The following BUB1B variants were observed in gnomAD, a reference collection of about 807,000 sequenced individuals.
BUB1B encodes BUB1 mitotic checkpoint serine/threonine kinase B.
A neutral mutation model predicts 137.7 loss-of-function variants in BUB1B; 86 were observed. The observed-to-expected ratio is 0.62, with a 90% CI of 0.52 to 0.75. BUB1B has a LOEUF of 0.75. Among genes scored for constraint, BUB1B ranks in the 30% least tolerant of loss-of-function variants. The pLI is 0.00. For synonymous variants in BUB1B, 420 were observed against 417.9 expected (o/e 1.00, Z -0.06); for missense variants, 1,130 against 1,236.9 (o/e 0.91, Z 1.30).
Position 40,173,647 on chromosome 15 carries a change from A to G in BUB1B, c.385-2830A>G, listed in dbSNP as rs565655940. Among the ~76,000 whole-genome samples the G allele has an allele frequency of 2.6e-5, 4 of 152,352 alleles. No individual in the cohort carries two copies. In the East Asian group the frequency reaches 7.7e-4, roughly 29 times the overall value. On this transcript the variant is annotated intron_variant, in intron 4 of 22. Coordinates refer to ENST00000287598, the MANE Select transcript of BUB1B (RefSeq NM_001211.6). ...TTCTGTTTTTATTGTACTTTATATCAGTCCATAATGGAACACACACATACA... is the reference window on the plus strand; with the variant it reads ...TTCTGTTTTTATTGTACTTTATATCGGTCCATAATGGAACACACACATACA...
chr15:40,205,341 A>G (rs527860206), intron 14 of BUB1B, among the ~76,000 whole-genome samples: 1 of 152,286 alleles, frequency 6.6e-6, no homozygotes, highest in Non-Finnish European at 1.5e-5. Context: ...TCAAATTGGT[A>G]ATGATCTAGA....
Position 40,196,550 on chromosome 15 carries a change from C to T in BUB1B, c.1064C>T (p.Pro355Leu). 1 of 1,612,900 alleles carries T rather than the reference C, an allele frequency of 6.2e-7. No individual in the cohort carries two copies. Among genetic ancestry groups the T allele is most frequent in the South Asian group, 1.1e-5 (1 of 90,960 alleles). ...EETARQPVMT[P>L]CKIEPSINHI... Reference sequence around the variant, plus strand: ...TAGTAATTTTGCTTCTTTAGGACACCATGTAAAATTGAACCTAGTATAAAC... The same window carrying T: ...TAGTAATTTTGCTTCTTTAGGACACTATGTAAAATTGAACCTAGTATAAAC... Residue 355 changes from proline to leucine, a missense_variant, in exon 9 of 23, where the codon CCA (proline) becomes CTA (leucine). Transcript: ENST00000287598.
rs747501110 is a variant in BUB1B at position 40,170,636 on chromosome 15, A to C, written c.339A>C (p.Lys113Asn). Residue 113 changes from lysine (K) to asparagine (N), a missense_variant, in exon 4 of 23, where the codon AAA (lysine) becomes AAC (asparagine). Lys to Asn is a moderately conservative substitution (Grantham distance 94). Coordinates refer to ENST00000287598, the MANE Select transcript of BUB1B (RefSeq NM_001211.6). The part of the protein sequence containing the change: ...ERAVEALQGE[K>N]RYYSDPRFLN... ...CTGTAGAAGCACTACAAGGAGAAAA[A>C]CGATATTATAGTGATCCTCGATTTC... 1 of 1,613,724 alleles carries C rather than the reference A, an allele frequency of 6.2e-7. No homozygotes were observed.
Position 40,183,888 on chromosome 15 carries a change from G to C in BUB1B, c.751+5G>C, listed in dbSNP as rs777441036. ...GTGTAGGAGGTGCTCTCAAGGGTAA[G>C]TTTGTTAAACGTTATTTCGGAAAAC... is the stretch of plus-strand genomic sequence containing the variant. On this transcript the variant is annotated splice_donor_5th_base_variant and intron_variant, in intron 6 of 22. Coordinates refer to ENST00000287598, the MANE Select transcript of BUB1B (RefSeq NM_001211.6). 1 of 1,613,878 alleles carries C rather than the reference G, an allele frequency of 6.2e-7. No homozygotes were observed. Among genetic ancestry groups the C allele is most frequent in the Non-Finnish European group, 8.5e-7 (1 of 1,179,848 alleles).
At chr15:40,203,601 T>C (rs757045642) in intron 14 of BUB1B, among the ~76,000 whole-genome samples, 1 of 152,238 alleles carries the variant, frequency 6.6e-6, no homozygotes, top group Non-Finnish European at 1.5e-5. Flanking sequence ...TTTTGTACTT[T>C]TAATTTTTTA....
intron 8 of BUB1B, among the ~76,000 whole-genome samples, chr15:40,187,274 T>C (rs2037378909): frequency 6.6e-6 from 1 of 152,056 alleles, no homozygotes; most frequent in East Asian, 1.9e-4. Flanking sequence ...TACAGGCGCC[T>C]GCCACCACGC....
chr15:40,204,384 T>C (rs1282035457), intron 14 of BUB1B, among the ~76,000 whole-genome samples: 1 of 151,742 alleles, frequency 6.6e-6, no homozygotes, highest in African/African-American at 2.4e-5. Flanking sequence ...ACAGTGGTTC[T>C]AGATTCAGCT....
At chr15:40,202,798 C>A in intron 14 of BUB1B, 104 bp downstream of exon 14, 1 of 1,008,532 alleles carries the variant, frequency 9.9e-7, no homozygotes, top group Non-Finnish European at 1.6e-6. Flanking sequence ...TTGAATTAAG[C>A]ACATGAAAAG....
At chr15:40,170,309 G>C in intron 3 of BUB1B, 188 bp downstream of exon 3, 2 of 760,582 alleles carry the variant, frequency 2.6e-6, no homozygotes, top group Admixed American at 5.3e-5. Flanking sequence ...TCAAGTTTAT[G>C]ATGTACAACT....
chr15:40,161,574 A>C (rs2037043295), intron 1 of BUB1B, among the ~76,000 whole-genome samples: 1 of 152,222 alleles, frequency 6.6e-6, no homozygotes, highest in Non-Finnish European at 1.5e-5. Flanking sequence ...ACCTTGGGCA[A>C]ATCGTTTGTA....
In BUB1B at chr15:40,176,639, G is replaced by C. The variant is rs1442788795; in HGVS notation, c.547G>C (p.Ala183Pro). 1.2e-6 allele frequency: 2 copies of C among 1,614,098 alleles called. No homozygotes were observed. Among genetic ancestry groups the C allele is most frequent in the Non-Finnish European group, 8.5e-7 (1 of 1,180,008 alleles). The change falls in exon 5 of 23, where the codon GCT becomes CCT. Residue 183 changes from alanine (A) to proline (P), a missense_variant. By Grantham distance (27) the Ala-to-Pro change is conservative. Coordinates refer to ENST00000287598, the MANE Select transcript of BUB1B (RefSeq NM_001211.6). ...ATTTCAGGAAGGGATTCAACAGAAGGCTGAACCACTAGAAAGACTACAGTC... is the reference window on the plus strand; with the variant it reads ...ATTTCAGGAAGGGATTCAACAGAAGCCTGAACCACTAGAAAGACTACAGTC... ...AIFQEGIQQK[A>P]EPLERLQSQH...
chr15:40,196,884 GT>G, intron 9 of BUB1B, 110 bp downstream of exon 9: 2 of 960,136 alleles, frequency 2.1e-6, no homozygotes, highest in Admixed American at 2.1e-5. Context: ...TTTGTATGAT[GT>G]TTCTATGGTA....
At chr15:40,189,853 A>G (rs902168442) in intron 8 of BUB1B, among the ~76,000 whole-genome samples, 8 of 152,298 alleles carry the variant, frequency 5.3e-5, no homozygotes, top group African/African-American at 1.2e-4. Context: ...GAGTACTCCA[A>G]TTCCTTCCCA....
At chr15:40,168,264 G>A (rs28570325) in intron 2 of BUB1B, among the ~76,000 whole-genome samples, 2,372 of 152,242 alleles carry the variant, frequency 0.016, 34 homozygotes, top group Middle Eastern at 0.031. Context: ...CTACTCGGGA[G>A]GCTGAGGTAG....
chr15:40,175,354 G>A (rs773662790), intron 4 of BUB1B, among the ~76,000 whole-genome samples: 41 of 152,050 alleles, frequency 2.7e-4, no homozygotes, highest in South Asian at 2.1e-4. Context: ...CTATGATTGC[G>A]TCACTGCAGT....
chr15:40,193,972 C>T (rs1032510494), intron 8 of BUB1B, among the ~76,000 whole-genome samples: 1 of 151,866 alleles, frequency 6.6e-6, no homozygotes, highest in Non-Finnish European at 1.5e-5. Context: ...ATCCTCCTGC[C>T]TCAGCCTCCC....
Position 40,204,944 on chromosome 15 carries a change from C to CTTTTT in BUB1B, c.1735-1224_1735-1220dup, listed in dbSNP as rs11333364. On this transcript the variant is annotated intron_variant, in intron 14 of 22. Coordinates refer to ENST00000287598, the MANE Select transcript of BUB1B (RefSeq NM_001211.6). ...TGTGAGCAAATGTACCTGGCCAAAT[C>CTTTTT]TTTTTTTTTTTTTTTTTTTTGAGAC... Among the ~76,000 whole-genome samples, 36 of 94,796 alleles carry CTTTTT rather than the reference C, an allele frequency of 3.8e-4. No individual in the cohort carries two copies. In the East Asian group the frequency reaches 8.5e-3, roughly 22 times the overall value. 62.2% of individuals were successfully genotyped at this position (94,796 alleles called of 152,430 possible).
At chr15:40,202,182 G>T (rs551624311) in intron 12 of BUB1B, among the ~76,000 whole-genome samples, 1 of 152,228 alleles carries the variant, frequency 6.6e-6, no homozygotes, top group East Asian at 1.9e-4. Context: ...TGGGTTTGGG[G>T]AGTAGTGACA....
chr15:40,183,986 G>A lies in BUB1B; in HGVS notation c.751+103G>A, dbSNP rs1425584307. The A allele has an allele frequency of 2.4e-6, 3 of 1,260,702 alleles. No homozygotes were observed. In the African/African-American group the frequency reaches 4.5e-5, roughly 19 times the overall value. The allele number at this position is 1,260,702 out of a possible 1,614,324, so 78.1% of individuals were successfully genotyped here. ...TACCTGTGGACACTTCTAGTTTGCTGAATACTGAGTAGCAAAAAGAAGGAA... is the reference window on the plus strand; with the variant it reads ...TACCTGTGGACACTTCTAGTTTGCTAAATACTGAGTAGCAAAAAGAAGGAA... On this transcript the variant is annotated intron_variant, in intron 6 of 22. Transcript: ENST00000287598.
Sources: allele counts gnomAD v4.1 joint callset (sites outside exome capture counted in the v4.1 genomes callset), GRCh38; gene constraint gnomAD v4.1.1; transcripts MANE v1.5; gene names NCBI Gene and HGNC (gene_info 2026-07-23, HGNC 2026-07-21).